The following FARP1 variants were observed in gnomAD, a reference collection of about 807,000 sequenced individuals.
FARP1 encodes FERM, ARHGEF and pleckstrin domain-containing protein 1.
Under a neutral mutation model 128.8 loss-of-function variants are expected in FARP1, and 52 were observed. The observed-to-expected ratio is 0.40, with a 90% CI of 0.32 to 0.51. FARP1 has a LOEUF of 0.51. FARP1 is among the 20% of genes least tolerant of loss of function. The pLI is 0.45. For missense variants in FARP1, 1,333 were observed against 1,367.9 expected, an observed-to-expected ratio of 0.97 and a Z score of 0.40; for synonymous variants, 580 against 551.8, an observed-to-expected ratio of 1.05 and a Z score of -0.72.
At chr13:98,145,149 C>A (rs1875426201) in intron 1 of FARP1, among the ~76,000 whole-genome samples, 1 of 152,146 alleles carries the variant, frequency 6.6e-6, no homozygotes, top group Admixed American at 6.5e-5. Context: ...TGAGTAGATG[C>A]CTTCCTAGCC....
intron 1 of FARP1, among the ~76,000 whole-genome samples, chr13:98,171,899 A>C (rs994025685): frequency 6.6e-6 from 1 of 152,058 alleles, no homozygotes; most frequent in Non-Finnish European, 1.5e-5. Flanking sequence ...GCTCGGTCAC[A>C]TTTCTCTATC....
intron 24 of FARP1, 52 bp from the exon 25 acceptor site, chr13:98,446,046 C>G (rs1382345468): frequency 5.6e-6 from 7 of 1,252,588 alleles, no homozygotes; most frequent in Non-Finnish European, 8.2e-6. Flanking sequence ...CTCTCTGTGC[C>G]CTCCTGGGGC....
rs1889925589 is a variant in FARP1 at position 98,382,585 on chromosome 13, T to G, written c.497-2145T>G. 2.0e-5 allele frequency: 3 copies of G among 152,254 alleles called. No individual in the cohort carries two copies. The South Asian group carries it at 6.2e-4, about 31-fold the overall frequency. 9.4% of individuals were successfully genotyped at this position (152,254 alleles called of 1,614,324 possible). A position where few individuals can be genotyped will look rare whatever the true frequency, so the allele number is the denominator to read the frequency against. ...CATAGATAGTCAGGGCTCATTATTC[T>G]CAGATTCTGTCTGAAAATTCGCTTA... On this transcript the variant is annotated intron_variant, in intron 6 of 26. Coordinates refer to ENST00000319562, the MANE Select transcript of FARP1 (RefSeq NM_005766.4).
At chr13:98,162,978 C>T (rs72653394) in intron 1 of FARP1, among the ~76,000 whole-genome samples, 6,739 of 152,168 alleles carry the variant, frequency 0.044, 196 homozygotes, top group Middle Eastern at 0.082. Flanking sequence ...TGGATATATA[C>T]CCCCCAAAAT....
chr13:98,384,682 G>C (rs1566940071), intron 6 of FARP1, 48 bp from the exon 7 acceptor site: 1 of 1,148,466 alleles, frequency 8.7e-7, no homozygotes, highest in South Asian at 1.3e-5. Flanking sequence ...TGACAAACTG[G>C]GAAGTGTCAT....
chr13:98,343,300 A>G (rs1027741704), intron 2 of FARP1, among the ~76,000 whole-genome samples: 1 of 152,150 alleles, frequency 6.6e-6, no homozygotes, highest in African/African-American at 2.4e-5. Flanking sequence ...GTCACAACAC[A>G]TTTGTCATAG....
At position 98,393,727 on chromosome 13, in the gene FARP1, T is replaced by TATCCTATATCA; in HGVS notation, c.1164+9_1164+10insATCCTATATCA. The stretch of plus-strand genomic sequence containing the variant: ...CGGAAGTGCTGGAGCAGGTCAGTGA[T>TATCCTATATCA]GGCGCTGTCCTATGATAACTCTGCT... On this transcript the variant is annotated intron_variant, in intron 12 of 26. Transcript: ENST00000319562. 6.2e-7 allele frequency: 1 copy of TATCCTATATCA among 1,607,526 alleles called. No homozygotes were observed. Among genetic ancestry groups the TATCCTATATCA allele is most frequent in the South Asian group, 1.1e-5 (1 of 90,774 alleles).
chr13:98,332,184 A>T (rs558363865), intron 2 of FARP1, among the ~76,000 whole-genome samples: 2 of 152,116 alleles, frequency 1.3e-5, no homozygotes, highest in South Asian at 4.2e-4. Flanking sequence ...GAACTTTTTC[A>T]TCTTCCCAAA....
intron 2 of FARP1, among the ~76,000 whole-genome samples, chr13:98,259,893 G>GTGTGTGTA (rs1377040995): frequency 6.6e-6 from 1 of 150,706 alleles, no homozygotes; most frequent in African/African-American, 2.4e-5. Context: ...GTGTGTGTGT[G>GTGTGTGTA]TGTGTGTGTG....
intron 10 of FARP1, among the ~76,000 whole-genome samples, chr13:98,390,395 T>A (rs944213792): frequency 6.6e-6 from 1 of 152,186 alleles, no homozygotes; most frequent in African/African-American, 2.4e-5. Flanking sequence ...TTACTAACAT[T>A]TGGTGTTGCT....
chr13:98,362,582 T>C (rs1465278637), intron 3 of FARP1, among the ~76,000 whole-genome samples: 2 of 152,236 alleles, frequency 1.3e-5, no homozygotes, highest in Admixed American at 6.5e-5. Flanking sequence ...CCAACGCTCA[T>C]GCATTTTAAT....
chr13:98,369,823 G>A (rs993273731), intron 5 of FARP1, among the ~76,000 whole-genome samples: 12 of 152,178 alleles, frequency 7.9e-5, no homozygotes, highest in Non-Finnish European at 1.5e-4. Context: ...TTCAAGCAGT[G>A]ACTGTTTAAT....
intron 1 of FARP1, among the ~76,000 whole-genome samples, chr13:98,151,359 C>T (rs1875984065): frequency 6.6e-6 from 1 of 152,026 alleles, no homozygotes; most frequent in South Asian, 2.1e-4. Context: ...GAATGTAAAC[C>T]ATCTGGAGAG....
In FARP1 at chr13:98,410,339, C is replaced by G. The variant is rs190860644; in HGVS notation, c.1603-395C>G. ...ACCATGTGTTCCCACAATGTAACTT[C>G]CATGTCATGAACACCAACTCCACCA... On this transcript the variant is annotated intron_variant, in intron 14 of 26. Coordinates refer to ENST00000319562, the MANE Select transcript of FARP1 (RefSeq NM_005766.4). Among the ~76,000 whole-genome samples the G allele has an allele frequency of 5.9e-5, 9 of 152,328 alleles. No individual in the cohort carries two copies. In the East Asian group the frequency reaches 1.7e-3, roughly 29 times the overall value.
At chr13:98,196,508 A>G (rs12874442) in intron 1 of FARP1, among the ~76,000 whole-genome samples, 104,211 of 152,112 alleles carry the variant, frequency 0.69, 36,801 homozygotes, top group Non-Finnish European at 0.77. Flanking sequence ...AAAGTGCTAC[A>G]TAAGTGCTGG....
intron 1 of FARP1, among the ~76,000 whole-genome samples, chr13:98,172,515 G>C (rs766872614): frequency 2.0e-5 from 3 of 152,076 alleles, no homozygotes; most frequent in Non-Finnish European, 4.4e-5. Context: ...TAAAATGCTC[G>C]GCTATGAAAC....
chr13:98,442,532 CCT>C (rs1330108378), intron 24 of FARP1, among the ~76,000 whole-genome samples: 3 of 152,202 alleles, frequency 2.0e-5, no homozygotes, highest in Non-Finnish European at 2.9e-5. Context: ...ATGGGGTTCC[CCT>C]GAGTGTGCAG....
At chr13:98,395,799 A>G in intron 13 of FARP1, 1 of 403,844 alleles carries the variant, frequency 2.5e-6, no homozygotes, top group Admixed American at 4.3e-5. Flanking sequence ...CTCGACTCCC[A>G]AGGCATAGCT....
chr13:98,265,446 A>AG (rs1884067809), intron 2 of FARP1, among the ~76,000 whole-genome samples: 1 of 146,348 alleles, frequency 6.8e-6, no homozygotes, highest in South Asian at 2.3e-4. Context: ...CAGCCTCCCA[A>AG]GTAGCTGGGA....
Sources: allele counts gnomAD v4.1 joint callset (sites outside exome capture counted in the v4.1 genomes callset), GRCh38; gene constraint gnomAD v4.1.1; transcripts MANE v1.5; gene names NCBI Gene and HGNC (gene_info 2026-07-23, HGNC 2026-07-21).